NRXN3: variants seen among roughly 807,000 people sequenced by gnomAD.
The protein encoded by NRXN3 is neurexin 3.
Under a neutral mutation model 137.6 loss-of-function variants are expected in NRXN3, and 32 were observed. That is an observed-to-expected ratio of 0.23 (90% CI 0.18 to 0.31). The LOEUF is 0.31. NRXN3 is among the 10% of genes least tolerant of loss of function. The probability of loss-of-function intolerance (pLI) is 1.00; values close to 1 mark genes in which losing one functional copy is unlikely to be tolerated. For missense variants in NRXN3, 1,574 were observed against 2,062.5 expected (o/e 0.76, Z 4.59); for synonymous variants, 798 against 784.5 (o/e 1.02, Z -0.29).
At chr14:79,627,897 G>C (rs1301850609) in intron 16 of NRXN3, among the ~76,000 whole-genome samples, 2 of 152,086 alleles carry the variant, frequency 1.3e-5, no homozygotes, top group Non-Finnish European at 2.9e-5. Flanking sequence ...AATACAAATA[G>C]TGTCTGTATA....
chr14:78,754,628 G>A (rs1191541181), intron 8 of NRXN3, among the ~76,000 whole-genome samples: 1 of 152,116 alleles, frequency 6.6e-6, no homozygotes, highest in Non-Finnish European at 1.5e-5. Context: ...ATATTTAGTA[G>A]TGCAGTGGTT....
chr14:78,615,068 G>C (rs1274845598), intron 4 of NRXN3: 1 of 456,642 alleles, frequency 2.2e-6, no homozygotes, highest in Admixed American at 2.3e-5. Flanking sequence ...GGTTAGATTA[G>C]GCTAATTGTC....
Position 79,118,087 on chromosome 14 carries a change from T to C in NRXN3, c.3262+129946T>C, listed in dbSNP as rs191672852. On this transcript the variant is annotated intron_variant, in intron 15 of 20. Transcript: ENST00000335750. ...TTAGAGCTGACCCCTGCTGGGACTG[T>C]GGCATTTCAGTAGAGGAATGGTGAA... is the stretch of plus-strand genomic sequence containing the variant. 2.7e-5 allele frequency among the ~76,000 whole-genome samples: 4 copies of C among 147,356 alleles called. No individual in the cohort carries two copies. In the Admixed American group the frequency reaches 2.8e-4, roughly 10 times the overall value.
chr14:78,886,975 G>C (rs2099145668), intron 10 of NRXN3, among the ~76,000 whole-genome samples: 1 of 152,086 alleles, frequency 6.6e-6, no homozygotes, highest in African/African-American at 2.4e-5. Context: ...ACTTCGTTTT[G>C]TGTTTCACAG....
intron 15 of NRXN3, among the ~76,000 whole-genome samples, chr14:79,238,442 G>A (rs555718036): frequency 2.6e-5 from 4 of 152,016 alleles, no homozygotes; most frequent in Non-Finnish European, 5.9e-5. Flanking sequence ...AATGGATCTA[G>A]GGCCCAGGAG....
At chr14:79,616,550 C>T (rs371584180) in intron 16 of NRXN3, among the ~76,000 whole-genome samples, 1 of 152,160 alleles carries the variant, frequency 6.6e-6, no homozygotes, top group African/African-American at 2.4e-5. Flanking sequence ...AAGAAACTAC[C>T]TATGGAGTGC....
chr14:78,418,622 G>A (rs968640010), intron 4 of NRXN3, among the ~76,000 whole-genome samples: 4 of 152,078 alleles, frequency 2.6e-5, no homozygotes, highest in Admixed American at 6.6e-5. Context: ...AAATACAGGA[G>A]GAAAAAGGTA....
chr14:78,808,071 A>G (rs138656024), intron 9 of NRXN3, among the ~76,000 whole-genome samples: 112 of 152,220 alleles, frequency 7.4e-4, no homozygotes, highest in African/African-American at 2.2e-3. Context: ...ATATACATAC[A>G]CATTCAGTAA....
chr14:78,227,245 A>G (rs1156624189), intron 1 of NRXN3, among the ~76,000 whole-genome samples: 1 of 152,198 alleles, frequency 6.6e-6, no homozygotes, highest in African/African-American at 2.4e-5. Context: ...ACTTATTCAG[A>G]AGCTTGAATT....
intron 4 of NRXN3, among the ~76,000 whole-genome samples, chr14:78,301,450 AC>A (rs954827965): frequency 6.6e-6 from 1 of 152,228 alleles, no homozygotes; most frequent in African/African-American, 2.4e-5. Flanking sequence ...CCTTTGGGTA[AC>A]GCATCCATTT....
intron 19 of NRXN3, among the ~76,000 whole-genome samples, chr14:79,730,069 A>G (rs2098916177): frequency 6.6e-6 from 1 of 152,196 alleles, no homozygotes. Flanking sequence ...GCTTAGAATC[A>G]AGGGAGAATT....
chr14:79,279,153 G>A (rs1192190673), intron 15 of NRXN3, among the ~76,000 whole-genome samples: 1 of 152,116 alleles, frequency 6.6e-6, no homozygotes, highest in Non-Finnish European at 1.5e-5. Flanking sequence ...CGGGGCGGGA[G>A]CCGCGCGAGC....
intron 10 of NRXN3, among the ~76,000 whole-genome samples, chr14:78,932,777 G>A (rs886547493): frequency 2.6e-5 from 4 of 152,138 alleles, no homozygotes; most frequent in African/African-American, 7.2e-5. Context: ...ATGAAAAGAG[G>A]TGTTTTTTAT....
chr14:79,451,844 G>A (rs1289002164), intron 15 of NRXN3, among the ~76,000 whole-genome samples: 2 of 152,194 alleles, frequency 1.3e-5, no homozygotes, highest in African/African-American at 2.4e-5. Flanking sequence ...CACCGTGGCA[G>A]CCAGAGTCAG....
At chr14:79,127,663 T>C (rs1353145889) in intron 15 of NRXN3, among the ~76,000 whole-genome samples, 1 of 152,070 alleles carries the variant, frequency 6.6e-6, no homozygotes, top group Non-Finnish European at 1.5e-5. Context: ...ATGCAGGCTC[T>C]TTTTTGGTTC....
At chr14:78,411,593 G>A (rs998833164) in intron 4 of NRXN3, among the ~76,000 whole-genome samples, 1 of 152,188 alleles carries the variant, frequency 6.6e-6, no homozygotes, top group Non-Finnish European at 1.5e-5. Context: ...TGCCCACTCT[G>A]TGGGATTTTG....
At chr14:78,713,185 G>C (rs934256149) in intron 7 of NRXN3, among the ~76,000 whole-genome samples, 1 of 152,118 alleles carries the variant, frequency 6.6e-6, no homozygotes, top group Non-Finnish European at 1.5e-5. Flanking sequence ...CTGCTCTCAA[G>C]GTCCCAGGTT....
Position 78,354,920 on chromosome 14 carries a change from T to G in NRXN3, c.757+57060T>G, listed in dbSNP as rs997401011. On this transcript the variant is annotated intron_variant, in intron 4 of 20. Coordinates refer to ENST00000335750, the MANE Select transcript of NRXN3 (RefSeq NM_001330195.2). ...GGCTGAGGGAATCTGTTCTCCAGGTTGAGACCTGAGTGGTCAGCACACAAG... is the reference window on the plus strand; with the variant it reads ...GGCTGAGGGAATCTGTTCTCCAGGTGGAGACCTGAGTGGTCAGCACACAAG... 5.3e-5 allele frequency among the ~76,000 whole-genome samples: 8 copies of G among 152,158 alleles called. 1 individual carries two copies. Among genetic ancestry groups the G allele is most frequent in the Non-Finnish European group, 2.9e-5 (2 of 68,036 alleles).
chr14:79,585,084 C>G (rs2097754814), intron 16 of NRXN3, among the ~76,000 whole-genome samples: 3 of 152,144 alleles, frequency 2.0e-5, no homozygotes, highest in Non-Finnish European at 4.4e-5. Context: ...ATGGGCCGTT[C>G]AAGTTTTAAT....
Sources: gnomAD v4.1 joint callset for allele counts (sites outside exome capture counted in the v4.1 genomes callset) on GRCh38, gnomAD v4.1.1 for gene constraint, MANE v1.5 for transcripts, NCBI Gene and HGNC (gene_info 2026-07-23, HGNC 2026-07-21) for gene names.